The following POLR2F variants were observed in gnomAD, a reference collection of about 807,000 sequenced individuals.
POLR2F encodes the protein RNA polymerase II, I and III subunit F.
POLR2F carries 12 observed loss-of-function variants against 22.7 expected under a neutral mutation model. The ratio of observed to expected loss-of-function variants is 0.53; its 90% CI spans 0.34 to 0.86. The LOEUF is 0.86. POLR2F is among the 40% of genes least tolerant of loss of function. The probability of loss-of-function intolerance (pLI) is 0.02; values close to 1 mark genes in which losing one functional copy is unlikely to be tolerated. For missense variants in POLR2F, 126 were observed against 171.5 expected (o/e 0.73, Z 1.48); for synonymous variants, 57 against 66.0 (o/e 0.86, Z 0.66).
chr22:37,973,571 G>C (rs762229976), downstream of POLR2F: 1 of 1,612,888 alleles, frequency 6.2e-7, no homozygotes, highest in Non-Finnish European at 8.5e-7. Context: ...TGAGGGGCTG[G>C]GGTCAGAGAT....
At chr22:38,040,975 T>C in intron 5 of POLR2F, 1 of 1,593,032 alleles carries the variant, frequency 6.3e-7, no homozygotes, top group Non-Finnish European at 8.6e-7. Flanking sequence ...GTGACGTTGA[T>C]CAAAGGCTGA....
At chr22:37,994,911 C>T (rs531715723) in intron 1 of POLR2F, among the ~76,000 whole-genome samples, 1 of 152,320 alleles carries the variant, frequency 6.6e-6, no homozygotes, top group African/African-American at 2.4e-5. Context: ...TCCCAAAATG[C>T]TGGGATTATA....
In POLR2F at chr22:37,968,648, G is replaced by A. The variant is rs1325715684; in HGVS notation, c.*933G>A. ...GTCACACTGGCTCCTCCCTCCTAGAGGGGGTCAGGGGGAGGGTGTATATTG... is the reference window on the plus strand; with the variant it reads ...GTCACACTGGCTCCTCCCTCCTAGAAGGGGTCAGGGGGAGGGTGTATATTG... On this transcript the variant is annotated 3_prime_UTR_variant, in exon 5 of 5. Coordinates refer to ENST00000442738, the MANE Select transcript of POLR2F (RefSeq NM_021974.5). 2 of 985,470 alleles carry A rather than the reference G, an allele frequency of 2.0e-6. No homozygotes were observed. Among genetic ancestry groups the A allele is most frequent in the Non-Finnish European group, 2.4e-6 (2 of 829,948 alleles). The allele number at this position is 985,470 out of a possible 1,614,324, so 61.0% of individuals were successfully genotyped here. A position where few individuals can be genotyped will look rare whatever the true frequency, so the allele number is the denominator to read the frequency against.
At chr22:37,958,373 G>C (rs1286343351) in intron 2 of POLR2F, 1 of 149,706 alleles carries the variant, frequency 6.7e-6, no homozygotes, top group Non-Finnish European at 1.5e-5. Context: ...TTTTTTTGTA[G>C]TTTTAGTAGT....
At chr22:38,038,948 C>A (rs1032011904) in intron 5 of POLR2F, among the ~76,000 whole-genome samples, 24 of 152,144 alleles carry the variant, frequency 1.6e-4, no homozygotes, top group Non-Finnish European at 2.9e-4. Context: ...TCGTAGGGGG[C>A]GGCTGGGGCT....
chr22:37,963,840 G>A (rs1308035126), intron 3 of POLR2F, among the ~76,000 whole-genome samples: 4 of 152,192 alleles, frequency 2.6e-5, no homozygotes, highest in African/African-American at 4.8e-5. Context: ...GGTGGCTCAC[G>A]CCTGGAATCC....
chr22:37,979,940 T>G (rs1414370211), intron 4 of POLR2F, among the ~76,000 whole-genome samples: 1 of 151,904 alleles, frequency 6.6e-6, no homozygotes, highest in Non-Finnish European at 1.5e-5. Flanking sequence ...CTTCCCCCAG[T>G]CAGCAGAAGG....
upstream of POLR2F, among the ~76,000 whole-genome samples, chr22:37,981,427 C>T (rs912640961): frequency 3.9e-5 from 6 of 152,254 alleles, no homozygotes; most frequent in Admixed American, 3.3e-4. Context: ...GTTTTCCTGA[C>T]TGCCACACCT....
Position 37,986,235 on chromosome 22 carries a change from T to C in POLR2F, c.45T>C (p.Cys15=). The change falls in exon 1 of 3, where the codon TGT becomes TGC. Residue 15 remains cysteine (C), a synonymous_variant. Transcript: ENST00000333418. This position sits in a 1 kb window ranked among gnomAD's most constrained non-coding sequence, Gnocchi z 4.7. ...CGAGGGACGAGCATCTGCCGTCGTG[T>C]CCCGGCTGCCCTGCAGTCGCCTCCA... 1.3e-6 allele frequency: 2 copies of C among 1,540,990 alleles called. No homozygotes were observed. The highest frequency in any genetic ancestry group is 1.7e-6 in the Non-Finnish European group (2 of 1,147,234).
chr22:38,003,091 A>G (rs139897), intron 1 of POLR2F, among the ~76,000 whole-genome samples: 103,876 of 151,956 alleles, frequency 0.68, 36,209 homozygotes, highest in African/African-American at 0.83. Context: ...AGCACATGGA[A>G]AATTAGGGAG....
At chr22:37,981,880 G>A (rs1051303627), upstream of POLR2F, among the ~76,000 whole-genome samples, 7 of 152,184 alleles carry the variant, frequency 4.6e-5, no homozygotes, top group African/African-American at 7.2e-5. Flanking sequence ...GGGCACTGAG[G>A]GCTGAGAAGG....
intron 5 of POLR2F, among the ~76,000 whole-genome samples, chr22:38,037,244 C>A (rs938550337): frequency 4.2e-5 from 5 of 119,668 alleles, no homozygotes; most frequent in African/African-American, 2.0e-4. Context: ...TGCTAATGAG[C>A]AACCTTATGT....
chr22:38,008,526 CAGAG>C (rs976403290), intron 1 of POLR2F, among the ~76,000 whole-genome samples: 3 of 150,148 alleles, frequency 2.0e-5, no homozygotes, highest in Middle Eastern at 3.5e-3. Context: ...GCCTAGGTGA[CAGAG>C]AGAGACTCTG....
upstream of POLR2F, chr22:37,986,021 C>A: frequency 7.3e-7 from 1 of 1,373,614 alleles, no homozygotes; most frequent in Admixed American, 3.2e-5. The surrounding 1 kb of genome is among the most constrained non-coding windows in gnomAD (Gnocchi z 4.7). Flanking sequence ...ACCCTCCTCC[C>A]CCCGCCTCCC....
At chr22:38,006,240 C>T (rs2084820188) in intron 1 of POLR2F, among the ~76,000 whole-genome samples, 1 of 152,154 alleles carries the variant, frequency 6.6e-6, no homozygotes, top group Non-Finnish European at 1.5e-5. Flanking sequence ...GTTTGCTCTT[C>T]ACTCCATTGA....
At chr22:38,001,157 G>A (rs927262335) in intron 1 of POLR2F, among the ~76,000 whole-genome samples, 1 of 152,140 alleles carries the variant, frequency 6.6e-6, no homozygotes, top group Non-Finnish European at 1.5e-5. Flanking sequence ...CCTCTTACTT[G>A]CAAGCTAGTT....
At chr22:38,010,602 G>GGTTTTTTTTTTTT (rs1382349551) in intron 1 of POLR2F, among the ~76,000 whole-genome samples, 2 of 60,890 alleles carry the variant, frequency 3.3e-5, no homozygotes, top group African/African-American at 1.4e-4. Flanking sequence ...AATTCCTTGT[G>GGTTTTTTTTTTTT]TTTTTTTTTT....
At chr22:37,958,149 C>T (rs148182207) in intron 2 of POLR2F, among the ~76,000 whole-genome samples, 34 of 151,514 alleles carry the variant, frequency 2.2e-4, no homozygotes, top group African/African-American at 7.3e-4. Context: ...GTAGCTGGGA[C>T]TGCAGGTTCT....
chr22:38,027,862 A>G (rs1341278793), downstream of POLR2F, among the ~76,000 whole-genome samples: 2 of 152,128 alleles, frequency 1.3e-5, no homozygotes, highest in Non-Finnish European at 2.9e-5. Context: ...ATGTTTATTG[A>G]GCCCTTACTG....
Sources: gnomAD v4.1 joint callset for allele counts (sites outside exome capture counted in the v4.1 genomes callset) on GRCh38, gnomAD v4.1.1 for gene constraint, Gnocchi (gnomAD v3.1) non-coding constraint, MANE v1.5 for transcripts, NCBI Gene and HGNC (gene_info 2026-07-23, HGNC 2026-07-21) for gene names.